CPSF4: variants seen among roughly 807,000 people sequenced by gnomAD.
CPSF4 encodes cleavage and polyadenylation specific factor 4.
In CPSF4, 11 loss-of-function variants were observed where a neutral mutation model predicts 37.7. The observed-to-expected ratio is 0.29, with a 90% CI of 0.18 to 0.48. The LOEUF (loss-of-function observed/expected upper bound fraction) is 0.48, where lower values mean the gene tolerates loss of function less well. Ranked by LOEUF, CPSF4 falls within the 20% of genes least tolerant of loss-of-function variation. CPSF4 has a pLI of 0.99. For missense variants in CPSF4, 144 were observed against 359.5 expected (o/e 0.40, Z 4.85); for synonymous variants, 132 against 135.9 (o/e 0.97, Z 0.20).
chr7:99,439,263 C>G (rs1796657900), intron 1 of CPSF4, 78 bp downstream of exon 1: 1 of 1,104,530 alleles, frequency 9.1e-7, no homozygotes, highest in Admixed American at 2.5e-5. Flanking sequence ...GGGACTCCCT[C>G]GCCTCGGTCC....
At chr7:99,449,407 T>A (rs45492501) in intron 3 of CPSF4, among the ~76,000 whole-genome samples, 13,540 of 152,302 alleles carry the variant, frequency 0.089, 991 homozygotes, top group African/African-American at 0.2. Flanking sequence ...AGCACTGGGA[T>A]GGGGCAGTGG....
intron 2 of CPSF4, among the ~76,000 whole-genome samples, chr7:99,446,670 C>G (rs1267911222): frequency 6.8e-6 from 1 of 146,228 alleles, no homozygotes; most frequent in Non-Finnish European, 1.5e-5. Context: ...TGCAGTGGCA[C>G]AGTCATAGCT....
At chr7:99,445,227 G>A (rs1490957052) in intron 2 of CPSF4, among the ~76,000 whole-genome samples, 2 of 151,994 alleles carry the variant, frequency 1.3e-5, no homozygotes, top group Non-Finnish European at 2.9e-5. Context: ...GTTTTCTGTG[G>A]CCTCCCATCG....
chr7:99,443,988 A>T (rs1348112472), intron 1 of CPSF4, among the ~76,000 whole-genome samples: 3 of 152,140 alleles, frequency 2.0e-5, no homozygotes, highest in African/African-American at 7.2e-5. Flanking sequence ...TCTGCACTTA[A>T]TGTGCTTCCC....
At chr7:99,440,434 G>A (rs2404487) in intron 1 of CPSF4, among the ~76,000 whole-genome samples, 13,380 of 151,508 alleles carry the variant, frequency 0.088, 982 homozygotes, top group African/African-American at 0.2. Context: ...ATGCAGCCTC[G>A]ACTTCCCAGG....
chr7:99,449,790 G>A (rs1043885965), intron 3 of CPSF4, among the ~76,000 whole-genome samples: 1 of 152,242 alleles, frequency 6.6e-6, no homozygotes, highest in Non-Finnish European at 1.5e-5. Context: ...TGAGCTGGAA[G>A]CGGAAGACTA....
At position 99,438,945 on chromosome 7, in the gene CPSF4, C is replaced by G; in HGVS notation, c.-138C>G. The G allele has an allele frequency of 1.5e-6, 2 of 1,363,062 alleles. No individual in the cohort carries two copies. Among genetic ancestry groups the G allele is most frequent in the Non-Finnish European group, 1.9e-6 (2 of 1,062,044 alleles). 84.4% of individuals were successfully genotyped at this position (1,363,062 alleles called of 1,614,324 possible). ...CGGCGCGGGCTCCGGGCGCTCCCGG[C>G]ATCCCTCGGGCGGCGGCGGCGGCGG... On this transcript the variant is annotated 5_prime_UTR_variant, in exon 1 of 8. Transcript: ENST00000292476.
intron 2 of CPSF4, among the ~76,000 whole-genome samples, chr7:99,446,460 C>A (rs1169964102): frequency 6.6e-6 from 1 of 152,198 alleles, no homozygotes; most frequent in Non-Finnish European, 1.5e-5. Flanking sequence ...CTGGTCGGAC[C>A]TCCATGGTGG....
chr7:99,452,049 G>A (rs533035672), intron 5 of CPSF4, among the ~76,000 whole-genome samples: 1 of 152,308 alleles, frequency 6.6e-6, no homozygotes, highest in African/African-American at 2.4e-5. Context: ...CTCCTGTGGC[G>A]CAGCAGGCAC....
chr7:99,441,365 G>A (rs1362464893), intron 1 of CPSF4: 4 of 455,820 alleles, frequency 8.8e-6, no homozygotes, highest in African/African-American at 4.0e-5. Context: ...GTGAGGGGAG[G>A]TACAGTGGCG....
chr7:99,451,370 G>A (rs1308670770), intron 5 of CPSF4, among the ~76,000 whole-genome samples: 3 of 152,204 alleles, frequency 2.0e-5, no homozygotes, highest in African/African-American at 7.2e-5. Flanking sequence ...ACTTTGGGAG[G>A]CAGAGGAAGG....
intron 1 of CPSF4, among the ~76,000 whole-genome samples, chr7:99,440,506 G>T (rs1412600145): frequency 4.6e-5 from 7 of 151,292 alleles, no homozygotes; most frequent in Non-Finnish European, 7.4e-5. Flanking sequence ...GCACCAACAC[G>T]CCTGGCAAAT....
At chr7:99,440,669 T>TAC (rs1796850135) in intron 1 of CPSF4, among the ~76,000 whole-genome samples, 1 of 108,574 alleles carries the variant, frequency 9.2e-6, no homozygotes, top group African/African-American at 6.0e-5. Flanking sequence ...TATATATATA[T>TAC]ATATATTTTT....
intron 6 of CPSF4, 180 bp downstream of exon 6, chr7:99,452,620 G>A (rs560242144): frequency 5.4e-5 from 32 of 597,842 alleles, no homozygotes; most frequent in African/African-American, 4.3e-4. Context: ...CTCGAGAGAC[G>A]GAGGGCCTCT....
At chr7:99,439,946 C>T (rs1412097794) in intron 1 of CPSF4, among the ~76,000 whole-genome samples, 2 of 152,162 alleles carry the variant, frequency 1.3e-5, no homozygotes, top group Non-Finnish European at 2.9e-5. Flanking sequence ...GACCCTTGGC[C>T]TGAACTCCCT....
At chr7:99,441,406 G>C (rs575160225) in intron 1 of CPSF4, 1 of 456,266 alleles carries the variant, frequency 2.2e-6, no homozygotes, top group East Asian at 6.9e-5. Flanking sequence ...CTGAGGCCCG[G>C]GACACACCTA....
At chr7:99,450,442 C>A in intron 4 of CPSF4, 71 bp downstream of exon 4, 1 of 1,119,928 alleles carries the variant, frequency 8.9e-7, no homozygotes, top group Non-Finnish European at 1.3e-6. Context: ...ACCCTGGAGG[C>A]TGCCAGCTGG....
chr7:99,439,734 C>T (rs1562851750), intron 1 of CPSF4: 1 of 152,252 alleles, frequency 6.6e-6, no homozygotes, highest in African/African-American at 2.4e-5. Context: ...CGTTGAGCGT[C>T]TCTTCTTGAT....
At chr7:99,441,832 C>T (rs548009467) in intron 1 of CPSF4, among the ~76,000 whole-genome samples, 15 of 152,260 alleles carry the variant, frequency 9.9e-5, no homozygotes, top group South Asian at 8.3e-4. Flanking sequence ...GCTGGGATTA[C>T]AGGCACGTGC....
Sources: gnomAD v4.1 joint callset for allele counts (sites outside exome capture counted in the v4.1 genomes callset) on GRCh38, gnomAD v4.1.1 for gene constraint, MANE v1.5 for transcripts, NCBI Gene and HGNC (gene_info 2026-07-23, HGNC 2026-07-21) for gene names.